The following ANXA4 variants were observed in gnomAD, a reference collection of about 807,000 sequenced individuals.
ANXA4 encodes annexin A4.
ANXA4 carries 39 observed loss-of-function variants against 49.8 expected under a neutral mutation model. The ratio of observed to expected loss-of-function variants is 0.78; its 90% CI spans 0.61 to 1.02. The LOEUF (loss-of-function observed/expected upper bound fraction) is 1.02. ANXA4 is among the 50% of genes least tolerant of loss of function. ANXA4 has a pLI of 0.00. For missense variants in ANXA4, 360 were observed against 410.1 expected (o/e 0.88, Z 1.05); for synonymous variants, 134 against 152.5 (o/e 0.88, Z 0.89).
intron 1 of ANXA4, among the ~76,000 whole-genome samples, chr2:69,763,632 T>C (rs1169634727): frequency 6.6e-6 from 1 of 152,114 alleles, no homozygotes; most frequent in South Asian, 2.1e-4. Context: ...TTTTAATTTT[T>C]AAATACTTCA....
intron 2 of ANXA4, among the ~76,000 whole-genome samples, chr2:69,664,197 T>G (rs1559055847): frequency 6.6e-6 from 1 of 152,186 alleles, no homozygotes; most frequent in Non-Finnish European, 1.5e-5. Context: ...CCCATCCAAA[T>G]GTAGTAGTAA....
chr2:69,658,776 C>G (rs564454283), intron 2 of ANXA4, among the ~76,000 whole-genome samples: 46 of 152,260 alleles, frequency 3.0e-4, no homozygotes, highest in South Asian at 8.3e-4. Flanking sequence ...CTCACTGCAA[C>G]CTCCGCCTCC....
chr2:69,735,070 C>T (rs1235987436), intron 3 of ANXA4, among the ~76,000 whole-genome samples: 1 of 152,176 alleles, frequency 6.6e-6, no homozygotes, highest in Non-Finnish European at 1.5e-5. Context: ...AGAAATCTAA[C>T]ATAGCTGACT....
intron 3 of ANXA4, among the ~76,000 whole-genome samples, chr2:69,790,449 A>C (rs1222968827): frequency 6.6e-6 from 1 of 152,168 alleles, no homozygotes; most frequent in East Asian, 1.9e-4. Context: ...AAGCGAGAAG[A>C]GATAAACTTC....
At chr2:69,693,512 C>A (rs1401284941) in intron 2 of ANXA4, among the ~76,000 whole-genome samples, 1 of 152,048 alleles carries the variant, frequency 6.6e-6, no homozygotes, top group Non-Finnish European at 1.5e-5. Flanking sequence ...AGGTGTTTCA[C>A]AAGGAGAGCC....
intron 1 of ANXA4, among the ~76,000 whole-genome samples, chr2:69,651,825 G>A (rs867301444): frequency 0.07 from 5,059 of 72,090 alleles, 640 homozygotes; most frequent in East Asian, 0.4. Context: ...TTTGGGGGGG[G>A]GGGGCGGGGA....
chr2:69,692,094 A>G (rs974300026), intron 2 of ANXA4, among the ~76,000 whole-genome samples: 1 of 152,154 alleles, frequency 6.6e-6, no homozygotes, highest in African/African-American at 2.4e-5. Context: ...CATGTTGTCC[A>G]GGCTGGTCTT....
chr2:69,752,376 A>G (rs1383052872), intron 1 of ANXA4, among the ~76,000 whole-genome samples: 1 of 152,220 alleles, frequency 6.6e-6, no homozygotes, highest in East Asian at 1.9e-4. Flanking sequence ...TGGCAAAGTT[A>G]TGTAATAAAT....
chr2:69,814,651 C>T (rs1673879807), intron 8 of ANXA4: 1 of 152,096 alleles, frequency 6.6e-6, no homozygotes, highest in African/African-American at 2.4e-5. Context: ...GCCCAGCCCA[C>T]AACTATGCTT....
At chr2:69,813,245 TA>T (rs1439439943) in intron 8 of ANXA4, among the ~76,000 whole-genome samples, 119 of 145,656 alleles carry the variant, frequency 8.2e-4, no homozygotes, top group African/African-American at 3.2e-3. Flanking sequence ...AACACTGTTC[TA>T]AAATTTTTTT....
At chr2:69,779,108 A>C (rs1417192559) in intron 1 of ANXA4, among the ~76,000 whole-genome samples, 4 of 61,522 alleles carry the variant, frequency 6.5e-5, no homozygotes, top group African/African-American at 1.0e-4. Context: ...ACTCTGCCTC[A>C]AAAAAAAAAA....
At chr2:69,664,349 T>G (rs991275848) in intron 2 of ANXA4, among the ~76,000 whole-genome samples, 21 of 152,318 alleles carry the variant, frequency 1.4e-4, no homozygotes, top group South Asian at 1.0e-3. Context: ...GTGTGTGTGT[T>G]TTTTTAAATG....
intron 2 of ANXA4, among the ~76,000 whole-genome samples, chr2:69,697,291 C>T (rs1678188897): frequency 6.6e-6 from 1 of 152,206 alleles, no homozygotes. Flanking sequence ...CATGAAGCAA[C>T]CTCTGCTAGC....
chr2:69,789,341 G>T (rs2103712460), intron 3 of ANXA4, among the ~76,000 whole-genome samples: 1 of 152,258 alleles, frequency 6.6e-6, no homozygotes, highest in East Asian at 1.9e-4. Context: ...CAAGCTCGGG[G>T]TCATCAGCAC....
intron 3 of ANXA4, among the ~76,000 whole-genome samples, chr2:69,802,644 G>A (rs920574034): frequency 2.6e-5 from 4 of 151,218 alleles, no homozygotes; most frequent in African/African-American, 9.8e-5. Flanking sequence ...CCGGGAGGCA[G>A]AGGTTGCAGT....
chr2:69,825,803 TCA>T lies in ANXA4; in HGVS notation c.*291_*292del, dbSNP rs1553367533. ...AAAAGATTACTTTCTACTTTGTGTT[TCA>T]CAGACATTGAATATATTAAATTATT... On this transcript the variant is annotated 3_prime_UTR_variant, in exon 13 of 13. Coordinates refer to ENST00000394295, the MANE Select transcript of ANXA4 (RefSeq NM_001153.5). 7.7e-6 allele frequency: 2 copies of T among 259,580 alleles called. No individual in the cohort carries two copies. Among genetic ancestry groups the T allele is most frequent in the East Asian group, 7.2e-5 (1 of 13,814 alleles). The allele number at this position is 259,580 out of a possible 1,614,324, so 16.1% of individuals were successfully genotyped here. A position where few individuals can be genotyped will look rare whatever the true frequency, so the allele number is the denominator to read the frequency against.
intron 2 of ANXA4, among the ~76,000 whole-genome samples, chr2:69,689,432 G>A (rs1052543053): frequency 1.3e-5 from 2 of 151,794 alleles, no homozygotes; most frequent in Non-Finnish European, 2.9e-5. Context: ...TTTCAACCTC[G>A]TCAATCTCAC....
Position 69,819,314 on chromosome 2 carries a change from T to C in ANXA4, c.759T>C (p.Ala253=). ...KCMRNKSAYF[A]EKLYKSMKGL... Reference sequence around the variant, plus strand: ...TGAGGAACAAATCTGCATATTTTGCTGAAAAGCTCTATAAATCGATGAAGG... The same window carrying C: ...TGAGGAACAAATCTGCATATTTTGCCGAAAAGCTCTATAAATCGATGAAGG... The change falls in exon 11 of 13, where the codon GCT becomes GCC. Residue 253 remains alanine (A), a synonymous_variant. Coordinates refer to ENST00000394295, the MANE Select transcript of ANXA4 (RefSeq NM_001153.5). The C allele has an allele frequency of 1.9e-6, 3 of 1,608,808 alleles. No homozygotes were observed. Among genetic ancestry groups the C allele is most frequent in the South Asian group, 1.1e-5 (1 of 90,142 alleles).
chr2:69,731,976 C>CTTTTTTTT lies in ANXA4; in HGVS notation n.864+11108_864+11109insTTTTTTTT, dbSNP rs1349540007. Among the ~76,000 whole-genome samples the CTTTTTTTT allele has an allele frequency of 2.3e-4, 25 of 107,010 alleles. 1 individual carries two copies. The highest frequency in any genetic ancestry group is 1.0e-3 in the African/African-American group (25 of 24,934). 70.2% of individuals were successfully genotyped at this position (107,010 alleles called of 152,430 possible). ...CTATTTCTTAGTTACATTTTCTTTT[C>CTTTTTTTT]TTTCTTTTTTTTTTTTTTTTTTGAG... On this transcript the variant is annotated intron_variant and non_coding_transcript_variant, in intron 3 of 3. Transcript: ENST00000418066.
Sources: allele counts gnomAD v4.1 joint callset (sites outside exome capture counted in the v4.1 genomes callset), GRCh38; gene constraint gnomAD v4.1.1; transcripts MANE v1.5; gene names NCBI Gene and HGNC (gene_info 2026-07-23, HGNC 2026-07-21).